Variants in MECOM observed in about 807,000 individuals in gnomAD.
MECOM encodes the protein histone-lysine N-methyltransferase MECOM.
A neutral mutation model predicts 116.3 loss-of-function variants in MECOM; 13 were observed. The ratio of observed to expected loss-of-function variants is 0.11; its 90% CI spans 0.07 to 0.18. MECOM has a LOEUF of 0.18. MECOM is among the 10% of genes least tolerant of loss of function. The pLI is 1.00. For synonymous variants in MECOM, 528 were observed against 535.2 expected, an observed-to-expected ratio of 0.99 and a Z score of 0.19; for missense variants, 1,299 against 1,509.0, an observed-to-expected ratio of 0.86 and a Z score of 2.31.
chr3:169,419,990 C>CAA (rs1739426931), intron 1 of MECOM, among the ~76,000 whole-genome samples: 2 of 152,032 alleles, frequency 1.3e-5, no homozygotes, highest in Admixed American at 1.3e-4. Context: ...TTTATGCAGC[C>CAA]AACAAACATA....
intron 1 of MECOM, among the ~76,000 whole-genome samples, chr3:169,661,718 G>T (rs939397359): frequency 6.6e-6 from 1 of 152,178 alleles, no homozygotes. Context: ...GACTTCCCGG[G>T]CTGCTGCAGG....
At chr3:169,193,507 A>G (rs1366321236) in intron 2 of MECOM, among the ~76,000 whole-genome samples, 2 of 151,940 alleles carry the variant, frequency 1.3e-5, no homozygotes, top group African/African-American at 4.8e-5. Flanking sequence ...ATCCCAAAAT[A>G]TCTTACAGAA....
chr3:169,432,690 C>T (rs1741836856), intron 1 of MECOM, among the ~76,000 whole-genome samples: 1 of 152,190 alleles, frequency 6.6e-6, no homozygotes, highest in Non-Finnish European at 1.5e-5. Context: ...TTCTTCTTTA[C>T]TATTGAATTT....
At chr3:169,197,914 A>G (rs1009627146) in intron 2 of MECOM, among the ~76,000 whole-genome samples, 4 of 152,036 alleles carry the variant, frequency 2.6e-5, no homozygotes, top group African/African-American at 9.7e-5. Flanking sequence ...CTTATGGGCT[A>G]TAGTTTTCTA....
At chr3:169,456,032 T>C (rs1457369258) in intron 1 of MECOM, among the ~76,000 whole-genome samples, 1 of 152,180 alleles carries the variant, frequency 6.6e-6, no homozygotes, top group Non-Finnish European at 1.5e-5. Flanking sequence ...ATTTTACTTG[T>C]CAACACTTAA....
chr3:169,662,981 C>T (rs979868267), intron 1 of MECOM, among the ~76,000 whole-genome samples: 2 of 150,454 alleles, frequency 1.3e-5, no homozygotes, highest in Non-Finnish European at 3.0e-5. Flanking sequence ...AGACTTTCTC[C>T]TCTTCTCTTC....
At chr3:169,368,162 A>G (rs2149838061) in intron 2 of MECOM, among the ~76,000 whole-genome samples, 2 of 152,136 alleles carry the variant, frequency 1.3e-5, no homozygotes, top group Middle Eastern at 6.8e-3. Context: ...TGACAATTCT[A>G]CTAATTAACA....
At chr3:169,154,227 AAC>A (rs574204860) in intron 2 of MECOM, among the ~76,000 whole-genome samples, 55 of 151,544 alleles carry the variant, frequency 3.6e-4, no homozygotes, top group African/African-American at 1.2e-3. Context: ...CGAGGGTAGG[AAC>A]ACACACACAC....
chr3:169,616,864 C>T (rs1770076988), intron 1 of MECOM, among the ~76,000 whole-genome samples: 1 of 152,166 alleles, frequency 6.6e-6, no homozygotes, highest in African/African-American at 2.4e-5. Context: ...GTTTGTTGAA[C>T]CTTAGATGCA....
intron 1 of MECOM, among the ~76,000 whole-genome samples, chr3:169,545,995 G>A (rs576882945): frequency 6.6e-6 from 1 of 152,138 alleles, no homozygotes; most frequent in African/African-American, 2.4e-5. Flanking sequence ...CAAAAGTAAA[G>A]CTTCATGTAA....
At chr3:169,297,691 A>G (rs1180698330) in intron 2 of MECOM, among the ~76,000 whole-genome samples, 1 of 152,236 alleles carries the variant, frequency 6.6e-6, no homozygotes, top group Non-Finnish European at 1.5e-5. Flanking sequence ...CGTCAATGAT[A>G]ATCTTGACTG....
At chr3:169,169,590 A>G (rs1744102427) in intron 2 of MECOM, among the ~76,000 whole-genome samples, 1 of 152,148 alleles carries the variant, frequency 6.6e-6, no homozygotes, top group Non-Finnish European at 1.5e-5. Flanking sequence ...GTACCCATGG[A>G]AAAGAAACCT....
intron 9 of MECOM, among the ~76,000 whole-genome samples, chr3:169,109,464 G>C (rs1947808): frequency 0.63 from 95,519 of 150,676 alleles, 30,352 homozygotes; most frequent in Admixed American, 0.69. Context: ...GCCCAGGCTA[G>C]AGTGCAATGG....
At chr3:169,624,322 G>A (rs1220342725) in intron 1 of MECOM, among the ~76,000 whole-genome samples, 4 of 152,176 alleles carry the variant, frequency 2.6e-5, no homozygotes, top group African/African-American at 9.7e-5. Flanking sequence ...TATGTAATTG[G>A]TGCCTCTCTA....
At chr3:169,510,747 C>A (rs1453843386) in intron 1 of MECOM, among the ~76,000 whole-genome samples, 4 of 152,192 alleles carry the variant, frequency 2.6e-5, no homozygotes, top group African/African-American at 9.7e-5. Context: ...CAGAAAAATG[C>A]AGTGTGGTCA....
intron 1 of MECOM, among the ~76,000 whole-genome samples, chr3:169,445,084 A>C (rs915825405): frequency 6.6e-6 from 1 of 152,220 alleles, no homozygotes; most frequent in Admixed American, 6.5e-5. Context: ...CAGAGCATAA[A>C]AGTTCAGAAA....
chr3:169,561,754 G>T (rs963283781), intron 1 of MECOM, among the ~76,000 whole-genome samples: 1 of 152,100 alleles, frequency 6.6e-6, no homozygotes, highest in South Asian at 2.1e-4. Context: ...ATTAGCAAAG[G>T]ATTATTAAAG....
intron 1 of MECOM, among the ~76,000 whole-genome samples, chr3:169,532,560 C>T (rs998105459): frequency 2.0e-5 from 3 of 152,150 alleles, no homozygotes; most frequent in African/African-American, 7.2e-5. Context: ...TCAGAATTTC[C>T]GACTGAAGGA....
intron 1 of MECOM, among the ~76,000 whole-genome samples, chr3:169,478,377 T>G (rs1340477202): frequency 6.6e-6 from 1 of 152,210 alleles, no homozygotes; most frequent in Non-Finnish European, 1.5e-5. Context: ...TATCTACACT[T>G]GTTTTACAGC....
Sources: gnomAD v4.1 joint callset for allele counts (sites outside exome capture counted in the v4.1 genomes callset) on GRCh38, gnomAD v4.1.1 for gene constraint, MANE v1.5 for transcripts, NCBI Gene and HGNC (gene_info 2026-07-23, HGNC 2026-07-21) for gene names.